The following DMD variants were observed in gnomAD, a reference collection of about 807,000 sequenced individuals.
DMD encodes dystrophin, also known as mutant dystrophin.
In DMD, 63 loss-of-function variants were observed where a neutral mutation model predicts 330.1. The observed-to-expected ratio is 0.19, with a 90% CI of 0.16 to 0.24. The LOEUF (loss-of-function observed/expected upper bound fraction) is 0.24, where lower values mean the gene tolerates loss of function less well. Ranked by LOEUF, DMD falls within the 10% of genes least tolerant of loss-of-function variation. The pLI is 1.00. For synonymous variants in DMD, 1,223 were observed against 959.8 expected, an observed-to-expected ratio of 1.27 and a Z score of -5.07; for missense variants, 3,344 against 2,684.1, an observed-to-expected ratio of 1.25 and a Z score of -5.43.
chrX:33,214,591 C>T (rs773003231), upstream of DMD, among the ~76,000 whole-genome samples: 21 of 111,324 alleles, frequency 1.9e-4, no homozygotes, highest in East Asian at 5.4e-3. Context: ...CATGTGATTG[C>T]ACAAAAAAAG....
intron 52 of DMD, among the ~76,000 whole-genome samples, chrX:31,729,102 G>A (rs1055908129): frequency 8.9e-6 from 1 of 112,072 alleles, no homozygotes; most frequent in Admixed American, 9.4e-5. Flanking sequence ...CTAGTCAGAT[G>A]GGTCTTACCA....
intron 2 of DMD, among the ~76,000 whole-genome samples, chrX:32,955,640 G>A (rs1047877670): frequency 8.1e-5 from 9 of 111,262 alleles, no homozygotes; most frequent in Non-Finnish European, 1.1e-4. Flanking sequence ...GGTATTGCCC[G>A]GGTTGTCTTC....
intron 30 of DMD, among the ~76,000 whole-genome samples, chrX:32,398,250 ACT>A (rs1419797923): frequency 1.1e-5 from 1 of 92,986 alleles, no homozygotes; most frequent in African/African-American, 4.8e-5. Flanking sequence ...GCTTTGTACT[ACT>A]CTTTTTTTAA....
intron 43 of DMD, among the ~76,000 whole-genome samples, chrX:32,224,781 C>T (rs1349767753): frequency 9.0e-6 from 1 of 111,426 alleles, no homozygotes; most frequent in African/African-American, 3.3e-5. Flanking sequence ...GCTTCAAATA[C>T]GTTTGGAGTC....
At chrX:33,150,271 T>C (rs1211916318) in intron 1 of DMD, among the ~76,000 whole-genome samples, 3 of 102,470 alleles carry the variant, frequency 2.9e-5, no homozygotes, top group Non-Finnish European at 3.9e-5. Flanking sequence ...TCTTACTACT[T>C]TCTTCCTTAT....
chrX:32,213,628 T>C lies in DMD; in HGVS notation c.6438+3288A>G, dbSNP rs1053811161. On this transcript the variant is annotated intron_variant, in intron 44 of 78. Coordinates refer to ENST00000357033, the MANE Select transcript of DMD (RefSeq NM_004006.3). ...CCTTGGACATCTAGAATGATTTTTC[T>C]TATCTCATCTATAGATTGAGAAAAA... 8.9e-5 allele frequency among the ~76,000 whole-genome samples: 10 copies of C among 112,086 alleles called. No individual in the cohort carries two copies. The Admixed American group carries it at 9.5e-4, about 11-fold the overall frequency.
chrX:32,736,250 A>C (rs967470958), intron 7 of DMD, among the ~76,000 whole-genome samples: 24 of 111,600 alleles, frequency 2.2e-4, no homozygotes, highest in Admixed American at 3.8e-4. Context: ...GGCGATCATT[A>C]AAAAGTCAGG....
chrX:32,166,608 G>T (rs892486179), intron 44 of DMD, among the ~76,000 whole-genome samples: 1 of 111,147 alleles, frequency 9.0e-6, no homozygotes. Context: ...ATTACTATAT[G>T]AGCTCCTTGA....
chrX:33,131,154 G>A (rs977366891), intron 1 of DMD, among the ~76,000 whole-genome samples: 4 of 110,905 alleles, frequency 3.6e-5, no homozygotes, highest in Non-Finnish European at 7.5e-5. Flanking sequence ...GGTGGGACCT[G>A]AGATTCTGCA....
intron 20 of DMD, among the ~76,000 whole-genome samples, chrX:32,490,716 A>T (rs1186548430): frequency 8.9e-6 from 1 of 111,845 alleles, no homozygotes; most frequent in Non-Finnish European, 1.9e-5. Flanking sequence ...TAAAAGGGGT[A>T]AGAACTCTGA....
intron 51 of DMD, among the ~76,000 whole-genome samples, chrX:31,756,502 G>A (rs1177392229): frequency 1.8e-5 from 2 of 112,222 alleles, no homozygotes; most frequent in Admixed American, 9.4e-5. Flanking sequence ...GCATGCACGC[G>A]CACATATGGT....
At chrX:32,769,200 G>T (rs1034538318) in intron 7 of DMD, among the ~76,000 whole-genome samples, 1 of 112,390 alleles carries the variant, frequency 8.9e-6, no homozygotes, top group Non-Finnish European at 1.9e-5. Context: ...ACAAAAGAAA[G>T]ACGTTTAATT....
intron 1 of DMD, among the ~76,000 whole-genome samples, chrX:33,204,159 T>C (rs1172373964): frequency 8.9e-6 from 1 of 111,834 alleles, no homozygotes; most frequent in African/African-American, 3.2e-5. Context: ...TCTTAAAAAA[T>C]ACAAATATGT....
intron 54 of DMD, among the ~76,000 whole-genome samples, chrX:31,637,010 T>C (rs988993956): frequency 8.9e-6 from 1 of 112,247 alleles, no homozygotes; most frequent in African/African-American, 3.2e-5. Flanking sequence ...AATGTCTATG[T>C]ATTTTGGGAT....
At chrX:31,986,722 T>C (rs1475265199) in intron 44 of DMD, among the ~76,000 whole-genome samples, 2 of 112,464 alleles carry the variant, frequency 1.8e-5, no homozygotes, top group South Asian at 7.3e-4. Flanking sequence ...CTTAATTTAA[T>C]ACTTTTGTGT....
At chrX:32,136,231 C>T (rs2096724125) in intron 44 of DMD, among the ~76,000 whole-genome samples, 1 of 112,554 alleles carries the variant, frequency 8.9e-6, no homozygotes, top group African/African-American at 3.2e-5. Flanking sequence ...GTCTTTTCAA[C>T]TTCTGGTTCC....
intron 60 of DMD, among the ~76,000 whole-genome samples, chrX:31,430,023 G>A (rs1304368113): frequency 9.0e-6 from 1 of 111,323 alleles, no homozygotes; most frequent in African/African-American, 3.3e-5. Context: ...CTCTAGACGA[G>A]AAAAACCTTT....
upstream of DMD, among the ~76,000 whole-genome samples, chrX:33,215,027 G>T (rs1174280517): frequency 8.9e-6 from 1 of 111,904 alleles, no homozygotes; most frequent in East Asian, 2.8e-4. Flanking sequence ...CCGCTTGTAT[G>T]TCTTCTTTCA....
At chrX:32,841,261 A>G (rs2080133063) in intron 4 of DMD, among the ~76,000 whole-genome samples, 1 of 111,963 alleles carries the variant, frequency 8.9e-6, no homozygotes, top group Admixed American at 9.5e-5. Flanking sequence ...CAAGAAAAAC[A>G]GAAGACTGGG....
Sources: allele counts gnomAD v4.1 joint callset (sites outside exome capture counted in the v4.1 genomes callset), GRCh38; gene constraint gnomAD v4.1.1; transcripts MANE v1.5; gene names NCBI Gene and HGNC (gene_info 2026-07-23, HGNC 2026-07-21).